SLC30A3: variants seen among roughly 807,000 people sequenced by gnomAD.
SLC30A3 encodes the protein solute carrier family 30 member 3.
A neutral mutation model predicts 35.6 loss-of-function variants in SLC30A3; 20 were observed. The observed-to-expected ratio is 0.56, with a 90% CI of 0.39 to 0.82. The LOEUF is 0.82. Among genes scored for constraint, SLC30A3 ranks in the 40% least tolerant of loss-of-function variants. The pLI, the probability that SLC30A3 is intolerant of heterozygous loss-of-function variation, is 0.00. For synonymous variants in SLC30A3, 217 were observed against 224.7 expected (o/e 0.97, Z 0.31); for missense variants, 401 against 530.6 (o/e 0.76, Z 2.40).
chr2:27,256,325 G>C (rs1057425617), intron 7 of SLC30A3, 61 bp downstream of exon 7: 3 of 1,588,418 alleles, frequency 1.9e-6, no homozygotes, highest in African/African-American at 1.3e-5. Context: ...TCAAGCTATG[G>C]TCCCATGTTT....
chr2:27,264,329 G>GA (rs1677382824), upstream of SLC30A3, among the ~76,000 whole-genome samples: 1 of 152,204 alleles, frequency 6.6e-6, no homozygotes, highest in Non-Finnish European at 1.5e-5. The surrounding 1 kb of genome is among the most constrained non-coding windows in gnomAD (Gnocchi z 6.1). Context: ...GAGCCCAAGA[G>GA]TGCACTTGCA....
chr2:27,262,946 A>T lies in SLC30A3; in HGVS notation c.-40T>A. On this transcript the variant is annotated 5_prime_UTR_variant, in exon 1 of 8. Coordinates refer to ENST00000233535, the MANE Select transcript of SLC30A3 (RefSeq NM_003459.5). The surrounding 1 kb of genome is among the most constrained non-coding windows in gnomAD (Gnocchi z 7.5). The stretch of plus-strand genomic sequence containing the variant: ...GACCGTCTAGGCCCCACCGAGGAAG[A>T]GAGAGGCCGGGCCGGCCCCGCGCCA... 1 of 1,493,952 alleles carries T rather than the reference A, an allele frequency of 6.7e-7. No homozygotes were observed. The highest frequency in any genetic ancestry group is 2.8e-5 in the East Asian group (1 of 35,824). The allele number at this position is 1,493,952 out of a possible 1,614,324, so 92.5% of individuals were successfully genotyped here.
upstream of SLC30A3, among the ~76,000 whole-genome samples, chr2:27,266,145 G>A (rs1454776809): frequency 4.0e-5 from 6 of 149,122 alleles, no homozygotes; most frequent in African/African-American, 9.9e-5. Flanking sequence ...CCACAGCCTC[G>A]ACCTCCTGGA....
chr2:27,267,088 G>A (rs1677528768), upstream of SLC30A3, among the ~76,000 whole-genome samples: 1 of 152,062 alleles, frequency 6.6e-6, no homozygotes, highest in Admixed American at 6.6e-5. Flanking sequence ...TCTTTCTGCA[G>A]TCTTCCCATG....
rs756261463 is a variant in SLC30A3 at position 27,255,318 on chromosome 2, T to C, written c.1161A>G (p.Gln387=). The C allele has an allele frequency of 1.1e-5, 17 of 1,613,836 alleles. No homozygotes were observed. In the African/African-American group the frequency reaches 1.6e-4, roughly 15 times the overall value. Residue 387 remains glutamine (Q), a synonymous_variant, in exon 8 of 8, where the codon CAA becomes CAG. Transcript: ENST00000233535. This position sits in a 1 kb window ranked among gnomAD's most constrained non-coding sequence, Gnocchi z 5.2. The stretch of plus-strand genomic sequence containing the variant: ...GTGAGGGCAGGGCCATGGCTCAGGC[T>C]TGGGGGGGTTCCTGGCAGCGCAGGC... The part of the protein sequence containing the change: ...AQCLRCQEPP[Q]A
Position 27,262,704 on chromosome 2 carries a change from C to T in SLC30A3, c.95+108G>A. On this transcript the variant is annotated intron_variant, in intron 1 of 7. Coordinates refer to ENST00000233535, the MANE Select transcript of SLC30A3 (RefSeq NM_003459.5). This position sits in a 1 kb window ranked among gnomAD's most constrained non-coding sequence, Gnocchi z 7.5. ...GGGGTGCAGCGGAGCGAGGGACCCG[C>T]GGTGCGCTGGGGCGGCCGCCGGGGC... The T allele has an allele frequency of 9.2e-7, 1 of 1,086,934 alleles. No homozygotes were observed. The highest frequency in any genetic ancestry group is 1.9e-5 in the South Asian group (1 of 53,304). 67.3% of individuals were successfully genotyped at this position (1,086,934 alleles called of 1,614,324 possible).
In SLC30A3 at chr2:27,258,202, C is replaced by T. The variant is rs1162915438; in HGVS notation, c.383G>A (p.Arg128His). 1.4e-5 allele frequency: 23 copies of T among 1,597,526 alleles called. No individual in the cohort carries two copies. Among genetic ancestry groups the T allele is most frequent in the East Asian group, 2.2e-5 (1 of 44,678 alleles). Residue 128 changes from arginine to histidine, a missense_variant, in exon 3 of 8, where the codon CGT becomes CAT. By Grantham distance (29) the Arg-to-His change is conservative. Coordinates refer to ENST00000233535, the MANE Select transcript of SLC30A3 (RefSeq NM_003459.5). This position sits in a 1 kb window ranked among gnomAD's most constrained non-coding sequence, Gnocchi z 4.0. ...GSLFSLWLSTRPATRTMTFGW... is the reference protein window; with the variant it reads ...GSLFSLWLSTHPATRTMTFGW... ...AAAGGTCATGGTGCGGGTGGCTGGA[C>T]GGGTGGAGAGCCAGAGGGAGAAGAG...
chr2:27,268,451 T>C (rs1157208744), intron 1 of SLC30A3, among the ~76,000 whole-genome samples: 1 of 152,190 alleles, frequency 6.6e-6, no homozygotes, highest in Admixed American at 6.5e-5. Context: ...CCTGTTTGAT[T>C]GCTGTGAAAG....
intron 6 of SLC30A3, 48 bp from the exon 7 acceptor site, chr2:27,256,568 A>G (rs746951733): frequency 3.7e-6 from 6 of 1,610,426 alleles, no homozygotes; most frequent in Non-Finnish European, 3.4e-6. Flanking sequence ...ACTCCTGCCC[A>G]GAAGCAGCAC....
rs950333700 is a variant in SLC30A3, at chr2:27,262,321, G to A, written c.95+491C>T. Among the ~76,000 whole-genome samples, 91 of 151,930 alleles carry A rather than the reference G, an allele frequency of 6.0e-4. No individual in the cohort carries two copies. Among genetic ancestry groups the A allele is most frequent in the African/African-American group, 2.2e-3 (90 of 41,526 alleles). Reference sequence around the variant, plus strand: ...CCCCAGGGGCCCGCAAGACCCGCGCGGAGCCCGGCCCATCCTCGGGCCCCG... The same window carrying A: ...CCCCAGGGGCCCGCAAGACCCGCGCAGAGCCCGGCCCATCCTCGGGCCCCG... On this transcript the variant is annotated intron_variant, in intron 1 of 7. Coordinates refer to ENST00000233535, the MANE Select transcript of SLC30A3 (RefSeq NM_003459.5). This position sits in a 1 kb window ranked among gnomAD's most constrained non-coding sequence, Gnocchi z 7.5.
upstream of SLC30A3, chr2:27,263,390 T>C (rs371559527): frequency 2.4e-5 from 11 of 453,108 alleles, no homozygotes; most frequent in African/African-American, 2.0e-4. Flanking sequence ...CGCGGGGGTG[T>C]CGCCCACCAC....
Position 27,254,882 on chromosome 2 carries a change from A to G in SLC30A3, c.*430T>C. On this transcript the variant is annotated 3_prime_UTR_variant, in exon 8 of 8. Transcript: ENST00000233535. The stretch of plus-strand genomic sequence containing the variant: ...TAGACAGAGCGAGGGCCATGTGGGG[A>G]GGGGGCCCCTACTGACCTCCCCCAG... 2.8e-6 allele frequency: 1 copy of G among 352,990 alleles called. No homozygotes were observed. The highest frequency in any genetic ancestry group is 8.3e-5 in the East Asian group (1 of 11,992). 21.9% of individuals were successfully genotyped at this position (352,990 alleles called of 1,614,324 possible).
chr2:27,275,319 C>A (rs899992749), exon 1 of SLC30A3: 26 of 861,818 alleles, frequency 3.0e-5, no homozygotes, highest in Non-Finnish European at 3.4e-6. Flanking sequence ...CCTACGCTGC[C>A]TTGGGCCGCA....
chr2:27,273,216 A>G (rs1274534765), intron 1 of SLC30A3, among the ~76,000 whole-genome samples: 23 of 151,968 alleles, frequency 1.5e-4, no homozygotes, highest in Admixed American at 1.5e-3. Flanking sequence ...CTGAAGGATG[A>G]GAGGTCAAGC....
At chr2:27,264,996 C>T (rs1169452023), upstream of SLC30A3, among the ~76,000 whole-genome samples, 1 of 152,244 alleles carries the variant, frequency 6.6e-6, no homozygotes, top group African/African-American at 2.4e-5. The surrounding 1 kb of genome is among the most constrained non-coding windows in gnomAD (Gnocchi z 6.1). Flanking sequence ...CCGCGCACTC[C>T]GCGGCTCGGA....
intron 6 of SLC30A3, 80 bp from the exon 7 acceptor site, chr2:27,256,600 C>A (rs558321519): frequency 1.3e-6 from 2 of 1,579,244 alleles, no homozygotes; most frequent in African/African-American, 2.7e-5. Context: ...GATTCCACCT[C>A]CCCTATCCTG....
rs557407333 is a variant in SLC30A3 at position 27,255,916 on chromosome 2, A to G, written c.1019-456T>C. 3 of 203,836 alleles carry G rather than the reference A, an allele frequency of 1.5e-5. No homozygotes were observed. Among genetic ancestry groups the G allele is most frequent in the African/African-American group, 7.0e-5 (3 of 42,720 alleles). The allele number at this position is 203,836 out of a possible 1,614,324, so 12.6% of individuals were successfully genotyped here. ...TGTCAGCTCATGACTCACCATATAT[A>G]TTTTTAATAGTTGAATCATAATGTA... On this transcript the variant is annotated intron_variant, in intron 7 of 7. Transcript: ENST00000233535. This position sits in a 1 kb window ranked among gnomAD's most constrained non-coding sequence, Gnocchi z 5.2.
At chr2:27,270,978 C>T (rs911564788) in intron 1 of SLC30A3, among the ~76,000 whole-genome samples, 2 of 152,162 alleles carry the variant, frequency 1.3e-5, no homozygotes, top group Non-Finnish European at 2.9e-5. Context: ...TAGGAAGGAA[C>T]AGTCACGGTG....
rs1223801711 is a variant in SLC30A3, at chr2:27,255,348, G to C, written c.1131C>G (p.Ala377=). ...LQVEQYQPEM[A]QCLRCQEPPQ... ...GGGGTTCCTGGCAGCGCAGGCACTGGGCCATCTCCGGCTGATACTGCTCGA... is the reference window on the plus strand; with the variant it reads ...GGGGTTCCTGGCAGCGCAGGCACTGCGCCATCTCCGGCTGATACTGCTCGA... The change falls in exon 8 of 8, where the codon GCC becomes GCG. Residue 377 remains alanine, a synonymous_variant. Transcript: ENST00000233535. The surrounding 1 kb of genome is among the most constrained non-coding windows in gnomAD (Gnocchi z 5.2). The C allele has an allele frequency of 6.8e-6, 11 of 1,614,176 alleles. No individual in the cohort carries two copies. Among genetic ancestry groups the C allele is most frequent in the Non-Finnish European group, 9.3e-6 (11 of 1,180,028 alleles).
Sources: allele counts gnomAD v4.1 joint callset (sites outside exome capture counted in the v4.1 genomes callset), GRCh38; gene constraint gnomAD v4.1.1; non-coding constraint Gnocchi (gnomAD v3.1); transcripts MANE v1.5; gene names NCBI Gene and HGNC (gene_info 2026-07-23, HGNC 2026-07-21).